The following LARP4 variants were observed in gnomAD, a reference collection of about 807,000 sequenced individuals.
LARP4 encodes the protein la-related protein 4.
Under a neutral mutation model 92.9 loss-of-function variants are expected in LARP4, and 29 were observed. The ratio of observed to expected loss-of-function variants is 0.31; its 90% CI spans 0.23 to 0.43. The LOEUF is 0.43. LARP4 is among the 20% of genes least tolerant of loss of function. The pLI is 1.00. For synonymous variants in LARP4, 279 were observed against 284.1 expected, an observed-to-expected ratio of 0.98 and a Z score of 0.18; for missense variants, 732 against 860.0, an observed-to-expected ratio of 0.85 and a Z score of 1.86.
At chr12:50,406,907 G>A (rs918212194) in intron 1 of LARP4, among the ~76,000 whole-genome samples, 3 of 152,024 alleles carry the variant, frequency 2.0e-5, no homozygotes, top group Admixed American at 2.0e-4. Flanking sequence ...TAGTAGAGAC[G>A]AGGTTTCGCC....
At chr12:50,435,234 A>G (rs532996469) in intron 4 of LARP4, among the ~76,000 whole-genome samples, 5 of 152,316 alleles carry the variant, frequency 3.3e-5, no homozygotes, top group East Asian at 1.9e-4. Context: ...TAATTGTCCA[A>G]TGTTGTGCTA....
At chr12:50,429,983 G>A (rs11169423) in intron 3 of LARP4, among the ~76,000 whole-genome samples, 125,077 of 152,106 alleles carry the variant, frequency 0.82, 54,506 homozygotes, top group East Asian at 0.98. Context: ...TTTTGATAAA[G>A]ATAACCTTAA....
intron 1 of LARP4, among the ~76,000 whole-genome samples, chr12:50,404,967 C>T (rs1261814075): frequency 2.6e-5 from 4 of 151,762 alleles, no homozygotes; most frequent in South Asian, 2.1e-4. Flanking sequence ...GAATTACAGG[C>T]GTGAGCCACC....
intron 1 of LARP4, among the ~76,000 whole-genome samples, chr12:50,423,662 T>C (rs1948231874): frequency 6.6e-6 from 1 of 152,056 alleles, no homozygotes; most frequent in Non-Finnish European, 1.5e-5. Context: ...TTGGCCAGGC[T>C]GATCTTGAAC....
intron 6 of LARP4, among the ~76,000 whole-genome samples, chr12:50,440,161 G>A (rs111318211): frequency 0.025 from 3,843 of 152,312 alleles, 74 homozygotes; most frequent in Non-Finnish European, 0.037. Context: ...TCCTGGCCAA[G>A]TGGAGTGGCT....
intron 1 of LARP4, among the ~76,000 whole-genome samples, chr12:50,409,154 A>G (rs1242073418): frequency 1.3e-5 from 2 of 152,168 alleles, no homozygotes; most frequent in Admixed American, 6.6e-5. Context: ...ACAAGGTTAC[A>G]TAAAAGATTT....
chr12:50,452,363 G>T (rs958768390), intron 8 of LARP4, among the ~76,000 whole-genome samples: 2 of 151,994 alleles, frequency 1.3e-5, no homozygotes, highest in African/African-American at 4.8e-5. Flanking sequence ...TGTGTTTTTG[G>T]TAGAGACGGG....
intron 1 of LARP4, chr12:50,401,330 A>T (rs1414506230): frequency 2.6e-6 from 1 of 391,168 alleles, no homozygotes; most frequent in African/African-American, 2.1e-5. Context: ...CTCCTAAAGG[A>T]GGCAGCATTG....
At chr12:50,425,065 T>G (rs1446441100) in intron 1 of LARP4, among the ~76,000 whole-genome samples, 1 of 151,988 alleles carries the variant, frequency 6.6e-6, no homozygotes, top group East Asian at 1.9e-4. Flanking sequence ...GAGAATAGCT[T>G]GAACCCAGGA....
intron 5 of LARP4, 38 bp downstream of exon 5, chr12:50,435,662 T>A: frequency 6.8e-7 from 1 of 1,462,900 alleles, no homozygotes; most frequent in Non-Finnish European, 9.4e-7. Context: ...TTTTAATTTT[T>A]AAACGTAAAA....
chr12:50,414,631 TTTTG>T (rs1368337415), intron 1 of LARP4, among the ~76,000 whole-genome samples: 2 of 152,160 alleles, frequency 1.3e-5, no homozygotes, highest in African/African-American at 2.4e-5. Context: ...TGTACAGTGA[TTTTG>T]TTTGTTAATA....
chr12:50,409,030 C>T (rs1945363297), intron 1 of LARP4, among the ~76,000 whole-genome samples: 1 of 151,446 alleles, frequency 6.6e-6, no homozygotes, highest in African/African-American at 2.4e-5. Context: ...ATTTATAGGG[C>T]AGAAAGTTGC....
intron 10 of LARP4, chr12:50,454,877 T>G (rs1193220102): frequency 6.5e-6 from 1 of 153,268 alleles, no homozygotes; most frequent in Admixed American, 6.5e-5. Context: ...TAGCTAACAT[T>G]TATTGCACAT....
At position 50,479,235 on chromosome 12, in the gene LARP4, T is replaced by G. The variant is rs1957728945; in HGVS notation, c.*3371T>G. 6.6e-6 allele frequency: 1 copy of G among 152,648 alleles called. No homozygotes were observed. Among genetic ancestry groups the G allele is most frequent in the Admixed American group, 6.5e-5 (1 of 15,270 alleles). 9.5% of individuals were successfully genotyped at this position (152,648 alleles called of 1,614,324 possible). ...TTGAACAACACTGGGGTTAAGTCTC[T>G]GGTATTTAGGCTGGCAATATATATA... On this transcript the variant is annotated 3_prime_UTR_variant, in exon 16 of 16. Transcript: ENST00000398473.
rs1957730634 is a variant in LARP4, at chr12:50,479,258, A to G, written c.*3394A>G. The G allele has an allele frequency of 6.6e-6, 1 of 152,632 alleles. No homozygotes were observed. Among genetic ancestry groups the G allele is most frequent in the African/African-American group, 2.4e-5 (1 of 41,470 alleles). 9.5% of individuals were successfully genotyped at this position (152,632 alleles called of 1,614,324 possible). On this transcript the variant is annotated 3_prime_UTR_variant, in exon 16 of 16. Transcript: ENST00000398473. ...TCTGGTATTTAGGCTGGCAATATATATATTAACCATATTTTAAAAGTACCA... is the reference window on the plus strand; with the variant it reads ...TCTGGTATTTAGGCTGGCAATATATGTATTAACCATATTTTAAAAGTACCA...
intron 4 of LARP4, among the ~76,000 whole-genome samples, chr12:50,435,238 T>C (rs1950240880): frequency 6.6e-6 from 1 of 152,252 alleles, no homozygotes; most frequent in Non-Finnish European, 1.5e-5. Flanking sequence ...TGTCCAATGT[T>C]GTGCTAGATG....
chr12:50,471,287 A>C (rs1956899546), intron 13 of LARP4, among the ~76,000 whole-genome samples: 1 of 152,194 alleles, frequency 6.6e-6, no homozygotes, highest in African/African-American at 2.4e-5. Flanking sequence ...GAAAGGTTAT[A>C]AATGGAATTG....
chr12:50,404,637 C>T (rs554499949), intron 1 of LARP4, among the ~76,000 whole-genome samples: 11 of 150,028 alleles, frequency 7.3e-5, no homozygotes, highest in African/African-American at 2.0e-4. Context: ...TAGAGGGTGG[C>T]GCAGTCTCAG....
At chr12:50,462,277 C>T (rs1212097897) in intron 11 of LARP4, among the ~76,000 whole-genome samples, 1 of 152,006 alleles carries the variant, frequency 6.6e-6, no homozygotes, top group African/African-American at 2.4e-5. Flanking sequence ...GTCAGGAGAT[C>T]GAGACCATCC....
Sources: allele counts gnomAD v4.1 joint callset (sites outside exome capture counted in the v4.1 genomes callset), GRCh38; gene constraint gnomAD v4.1.1; transcripts MANE v1.5; gene names NCBI Gene and HGNC (gene_info 2026-07-23, HGNC 2026-07-21).